PARD3B: variants seen among roughly 807,000 people sequenced by gnomAD.
The protein encoded by PARD3B is par-3 family cell polarity regulator beta, also known as partitioning defective 3 homolog B.
In PARD3B, 103 loss-of-function variants were observed where a neutral mutation model predicts 130.2. That is an observed-to-expected ratio of 0.79 (90% CI 0.67 to 0.93). The LOEUF (loss-of-function observed/expected upper bound fraction) is 0.93. Ranked by LOEUF, PARD3B falls within the 40% of genes least tolerant of loss-of-function variation. The pLI, the probability that PARD3B is intolerant of heterozygous loss-of-function variation, is 0.00. For synonymous variants in PARD3B, 583 were observed against 553.2 expected (o/e 1.05, Z -0.76); for missense variants, 1,609 against 1,499.2 (o/e 1.07, Z -1.21).
chr2:205,035,822 T>TC (rs1559374239), intron 3 of PARD3B, among the ~76,000 whole-genome samples: 7 of 1,482 alleles, frequency 4.7e-3, no homozygotes, highest in Non-Finnish European at 9.4e-3. Context: ...TATATATATC[T>TC]ATATATCTAT....
At chr2:204,682,551 C>T (rs1414762445) in intron 1 of PARD3B, among the ~76,000 whole-genome samples, 2 of 152,168 alleles carry the variant, frequency 1.3e-5, no homozygotes, top group Non-Finnish European at 2.9e-5. Context: ...TTGACCATTG[C>T]TGTTGTGTTC....
chr2:204,972,575 G>A (rs1691802297), intron 3 of PARD3B, among the ~76,000 whole-genome samples: 1 of 151,794 alleles, frequency 6.6e-6, no homozygotes, highest in Admixed American at 6.6e-5. Context: ...TACTAAGTTG[G>A]TTGTACTCAA....
At position 204,935,612 on chromosome 2, in the gene PARD3B, T is replaced by TAC. The variant is rs951317542; in HGVS notation, c.223-29527_223-29526dup. ...ATATATAGTATGTATTATGTGTGTATACACACACACACACCAAATTTTATC... is the reference window on the plus strand; with the variant it reads ...ATATATAGTATGTATTATGTGTGTATACACACACACACACACCAAATTTTATC... On this transcript the variant is annotated intron_variant, in intron 2 of 22. Coordinates refer to ENST00000406610, the MANE Select transcript of PARD3B (RefSeq NM_001302769.2). Among the ~76,000 whole-genome samples, 352 of 151,336 alleles carry TAC rather than the reference T, an allele frequency of 2.3e-3. 2 individuals are homozygous for TAC. The highest frequency in any genetic ancestry group is 8.1e-3 in the African/African-American group (336 of 41,406).
Position 205,300,845 on chromosome 2 carries a change from T to C in PARD3B, c.2392+109T>C. 8.6e-7 allele frequency: 1 copy of C among 1,159,812 alleles called. No individual in the cohort carries two copies. The highest frequency in any genetic ancestry group is 1.2e-6 in the Non-Finnish European group (1 of 836,296). The allele number at this position is 1,159,812 out of a possible 1,614,324, so 71.8% of individuals were successfully genotyped here. On this transcript the variant is annotated intron_variant, in intron 17 of 22. Coordinates refer to ENST00000406610, the MANE Select transcript of PARD3B (RefSeq NM_001302769.2). The surrounding 1 kb of genome is among the most constrained non-coding windows in gnomAD (Gnocchi z 4.1). ...AAAAAAATGATTTAAGGATCACAAT[T>C]ATATTTTTGATATTAAAAGTAATTC... is the stretch of plus-strand genomic sequence containing the variant.
At chr2:204,913,820 A>C (rs749499818) in intron 2 of PARD3B, among the ~76,000 whole-genome samples, 2 of 152,228 alleles carry the variant, frequency 1.3e-5, no homozygotes, top group African/African-American at 2.4e-5. Context: ...ATGGTTACTA[A>C]GTTGTTAAGA....
At chr2:204,583,498 G>A (rs1357819446) in intron 1 of PARD3B, among the ~76,000 whole-genome samples, 3 of 105,376 alleles carry the variant, frequency 2.8e-5, no homozygotes, top group African/African-American at 7.2e-5. Context: ...GGGGGGAGGG[G>A]TAGCATTGGG....
chr2:204,865,792 G>T (rs1236357837), intron 2 of PARD3B, among the ~76,000 whole-genome samples: 2 of 152,116 alleles, frequency 1.3e-5, no homozygotes, highest in East Asian at 3.8e-4. Context: ...GAAAGAAAAA[G>T]AAATAGTGAT....
In PARD3B at chr2:205,023,948, C is replaced by T. The variant is rs980412246; in HGVS notation, c.395-23633C>T. Among the ~76,000 whole-genome samples, 12 of 152,100 alleles carry T rather than the reference C, an allele frequency of 7.9e-5. No homozygotes were observed. In the East Asian group the frequency reaches 1.2e-3, roughly 15 times the overall value. The stretch of plus-strand genomic sequence containing the variant: ...TGTTTGAGTTTGAATCCTGTTTCTA[C>T]CATATACTAGGTGTGTGGTGAGGAG... On this transcript the variant is annotated intron_variant, in intron 3 of 22. Coordinates refer to ENST00000406610, the MANE Select transcript of PARD3B (RefSeq NM_001302769.2).
rs574133109 is a variant in PARD3B, at chr2:204,750,833, T to G, written c.222+64551T>G. 6.6e-5 allele frequency among the ~76,000 whole-genome samples: 10 copies of G among 152,324 alleles called. No homozygotes were observed. In the East Asian group the frequency reaches 1.7e-3, roughly 26 times the overall value. On this transcript the variant is annotated intron_variant, in intron 2 of 22. Coordinates refer to ENST00000406610, the MANE Select transcript of PARD3B (RefSeq NM_001302769.2). ...TAAAGTGTGAGCACACATAATTTTA[T>G]ATAATATCTTCATCAGATTTAAATG...
intron 20 of PARD3B, among the ~76,000 whole-genome samples, chr2:205,447,818 G>A (rs2047959480): frequency 6.6e-6 from 1 of 152,160 alleles, no homozygotes. Flanking sequence ...AATTCATGAG[G>A]CATCCTTTTT....
rs553250468 is a variant in PARD3B, at chr2:205,475,231, G to A, written c.3045-24665G>A. On this transcript the variant is annotated intron_variant, in intron 20 of 22. Coordinates refer to ENST00000406610, the MANE Select transcript of PARD3B (RefSeq NM_001302769.2). ...AAATAAGAGCCTCACAGTAGATTGT[G>A]AAAGAAATGTCACATCAGAATCTGG... Among the ~76,000 whole-genome samples, 9 of 152,160 alleles carry A rather than the reference G, an allele frequency of 5.9e-5. No individual in the cohort carries two copies. The South Asian group carries it at 1.2e-3, about 21-fold the overall frequency.
intron 20 of PARD3B, among the ~76,000 whole-genome samples, chr2:205,495,955 T>C (rs939467666): frequency 6.6e-6 from 1 of 152,118 alleles, no homozygotes; most frequent in African/African-American, 2.4e-5. Flanking sequence ...TATAGATTAG[T>C]AGTGGCTTTC....
At chr2:205,197,026 GGGGGGGGTGTGT>G (rs1468558328) in intron 15 of PARD3B, among the ~76,000 whole-genome samples, 21 of 52,892 alleles carry the variant, frequency 4.0e-4, no homozygotes, top group East Asian at 1.1e-3. Context: ...TCCACTGTGG[GGGGGGGGTGTGT>G]GTGTGTGTGT....
intron 2 of PARD3B, among the ~76,000 whole-genome samples, chr2:204,744,324 G>T (rs979483505): frequency 6.6e-6 from 1 of 152,236 alleles, no homozygotes; most frequent in Admixed American, 6.5e-5. Flanking sequence ...CCATGGCAAG[G>T]TCAGATCTAT....
At position 205,616,039 on chromosome 2, in the gene PARD3B, A is replaced by G; in HGVS notation, c.*226A>G. 1 of 539,458 alleles carries G rather than the reference A, an allele frequency of 1.9e-6. No individual in the cohort carries two copies. Among genetic ancestry groups the G allele is most frequent in the Non-Finnish European group, 3.3e-6 (1 of 307,688 alleles). 33.4% of individuals were successfully genotyped at this position (539,458 alleles called of 1,614,324 possible). A position where few individuals can be genotyped will look rare whatever the true frequency, so the allele number is the denominator to read the frequency against. ...GAAGACGAAAGATGGGGCTATAAAA[A>G]CAAAACTACCTGATAGTTGAAACGC... On this transcript the variant is annotated 3_prime_UTR_variant, in exon 23 of 23. Transcript: ENST00000406610.
chr2:204,880,179 T>A (rs2045985896), intron 2 of PARD3B, among the ~76,000 whole-genome samples: 1 of 152,184 alleles, frequency 6.6e-6, no homozygotes, highest in Admixed American at 6.5e-5. Flanking sequence ...TAAAATAATC[T>A]CTTTCTCTTA....
chr2:204,756,410 G>C (rs1173305801), intron 2 of PARD3B, among the ~76,000 whole-genome samples: 1 of 151,768 alleles, frequency 6.6e-6, no homozygotes, highest in Admixed American at 6.6e-5. Context: ...ACAAATGGTT[G>C]TTACCAAGAG....
At chr2:205,216,058 G>A (rs989835784) in intron 15 of PARD3B, among the ~76,000 whole-genome samples, 3 of 152,048 alleles carry the variant, frequency 2.0e-5, no homozygotes, top group African/African-American at 7.2e-5. Flanking sequence ...TAACATTTCA[G>A]TCAACTGCAG....
chr2:204,957,377 G>A (rs1690349919), intron 2 of PARD3B, among the ~76,000 whole-genome samples: 1 of 152,104 alleles, frequency 6.6e-6, no homozygotes, highest in African/African-American at 2.4e-5. Flanking sequence ...AGGGTTTTCA[G>A]TACAGTTGAA....
Sources: allele counts gnomAD v4.1 joint callset (sites outside exome capture counted in the v4.1 genomes callset), GRCh38; gene constraint gnomAD v4.1.1; non-coding constraint Gnocchi (gnomAD v3.1); transcripts MANE v1.5; gene names NCBI Gene and HGNC (gene_info 2026-07-23, HGNC 2026-07-21).